The following CAMTA1 variants were observed in gnomAD, a reference collection of about 807,000 sequenced individuals.
CAMTA1 encodes the protein calmodulin-binding transcription activator 1.
A neutral mutation model predicts 170.9 loss-of-function variants in CAMTA1; 27 were observed. That is an observed-to-expected ratio of 0.16 (90% CI 0.12 to 0.22). CAMTA1 has a LOEUF of 0.22. Among genes scored for constraint, CAMTA1 ranks in the 10% least tolerant of loss-of-function variants. The pLI, the probability that CAMTA1 is intolerant of heterozygous loss-of-function variation, is 1.00. For synonymous variants in CAMTA1, 833 were observed against 891.5 expected (o/e 0.93, Z 1.17); for missense variants, 1,619 against 2,217.2 (o/e 0.73, Z 5.42).
intron 3 of CAMTA1, among the ~76,000 whole-genome samples, chr1:6,949,323 C>A (rs1226985835): frequency 6.6e-6 from 1 of 152,206 alleles, no homozygotes; most frequent in Non-Finnish European, 1.5e-5. Flanking sequence ...GAACTGCAGC[C>A]CTTTCTGCTG....
At chr1:7,051,744 G>A (rs1334646675) in intron 3 of CAMTA1, among the ~76,000 whole-genome samples, 1 of 127,568 alleles carries the variant, frequency 7.8e-6, no homozygotes, top group African/African-American at 2.5e-5. Flanking sequence ...GCCTGTGACA[G>A]AGGCTGCTCC....
chr1:6,813,781 G>A (rs1248894855), intron 1 of CAMTA1, among the ~76,000 whole-genome samples: 1 of 151,998 alleles, frequency 6.6e-6, no homozygotes, highest in Admixed American at 6.6e-5. Context: ...GCCACTGCTT[G>A]TTCAGTCTCT....
At chr1:6,865,429 T>C (rs1571127962) in intron 3 of CAMTA1, among the ~76,000 whole-genome samples, 1 of 152,172 alleles carries the variant, frequency 6.6e-6, no homozygotes. Context: ...GAGAAACTTA[T>C]AGATCCTTCA....
At chr1:7,332,562 G>A (rs945496946) in intron 5 of CAMTA1, among the ~76,000 whole-genome samples, 4 of 152,158 alleles carry the variant, frequency 2.6e-5, no homozygotes, top group African/African-American at 9.7e-5. Flanking sequence ...GGAGCAGCCC[G>A]GAAGAAACCA....
chr1:7,419,772 G>A (rs1468006924), intron 5 of CAMTA1, among the ~76,000 whole-genome samples: 1 of 152,050 alleles, frequency 6.6e-6, no homozygotes, highest in Non-Finnish European at 1.5e-5. Flanking sequence ...ACCAGGACAT[G>A]GCAGTTTTCA....
chr1:7,350,737 G>A (rs934390337), intron 5 of CAMTA1, among the ~76,000 whole-genome samples: 2 of 152,172 alleles, frequency 1.3e-5, no homozygotes, highest in Non-Finnish European at 2.9e-5. Context: ...GTGTGTGTGT[G>A]TATGTGTGTG....
intron 6 of CAMTA1, among the ~76,000 whole-genome samples, chr1:7,582,594 G>A (rs1239881205): frequency 6.6e-6 from 1 of 152,148 alleles, no homozygotes. Context: ...GCTTGTTGCT[G>A]TAACATCCAC....
intron 3 of CAMTA1, among the ~76,000 whole-genome samples, chr1:6,892,597 C>CTTTTTT (rs70984032): frequency 4.1e-5 from 5 of 120,874 alleles, no homozygotes; most frequent in African/African-American, 9.5e-5. Context: ...TTTTTCTTTT[C>CTTTTTT]TTTTTTTTTT....
intron 16 of CAMTA1, among the ~76,000 whole-genome samples, chr1:7,741,947 T>G (rs1470195514): frequency 8.2e-5 from 12 of 146,974 alleles, no homozygotes; most frequent in African/African-American, 2.2e-4. Context: ...TCGGGTTGTT[T>G]TTTTTTTTTT....
chr1:7,711,395 G>T (rs558112225), intron 11 of CAMTA1, among the ~76,000 whole-genome samples: 2 of 152,104 alleles, frequency 1.3e-5, no homozygotes, highest in Non-Finnish European at 2.9e-5. Flanking sequence ...GAAGTAAGGT[G>T]CCCTGATCAG....
At chr1:7,269,145 C>G (rs1669332088) in intron 5 of CAMTA1, among the ~76,000 whole-genome samples, 2 of 152,236 alleles carry the variant, frequency 1.3e-5, no homozygotes, top group African/African-American at 4.8e-5. Flanking sequence ...ATCAGGGCCT[C>G]TCACAAGGCT....
chr1:7,110,765 TTCTATGTCAGC>T (rs1643981796), intron 4 of CAMTA1, among the ~76,000 whole-genome samples: 1 of 152,226 alleles, frequency 6.6e-6, no homozygotes. Flanking sequence ...TCGGTCCTCT[TTCTATGTCAGC>T]AGAAAGCAGC....
rs537155188 is a variant in CAMTA1 at position 7,691,007 on chromosome 1, G to A, written c.2914+13274G>A. 3.3e-5 allele frequency among the ~76,000 whole-genome samples: 5 copies of A among 152,320 alleles called. No individual in the cohort carries two copies. In the South Asian group the frequency reaches 1.0e-3, roughly 32 times the overall value. Reference sequence around the variant, plus strand: ...CACGTGATGAGTATCAGAAGAAATGGATCAGATGAGGACCTGCAGTCAACG... The same window carrying A: ...CACGTGATGAGTATCAGAAGAAATGAATCAGATGAGGACCTGCAGTCAACG... On this transcript the variant is annotated intron_variant, in intron 11 of 22. Coordinates refer to ENST00000303635, the MANE Select transcript of CAMTA1 (RefSeq NM_015215.4).
At chr1:7,434,137 C>T (rs980719353) in intron 5 of CAMTA1, among the ~76,000 whole-genome samples, 1 of 152,170 alleles carries the variant, frequency 6.6e-6, no homozygotes, top group Non-Finnish European at 1.5e-5. Context: ...CCAGCTCTCT[C>T]TCTTTTACTT....
chr1:6,996,682 TAAAA>T (rs1173274969), intron 3 of CAMTA1, among the ~76,000 whole-genome samples: 2 of 147,052 alleles, frequency 1.4e-5, no homozygotes, highest in Admixed American at 6.7e-5. Flanking sequence ...AAAAGCTATT[TAAAA>T]AAAAAAGAAA....
intron 4 of CAMTA1, among the ~76,000 whole-genome samples, chr1:7,147,065 A>G (rs1052954256): frequency 2.0e-5 from 3 of 151,702 alleles, no homozygotes; most frequent in Non-Finnish European, 2.9e-5. Flanking sequence ...AATGTATATC[A>G]CACACATGCA....
At position 7,671,185 on chromosome 1, in the gene CAMTA1, A is replaced by G. The variant is rs1576736603; in HGVS notation, c.2779+148A>G. ...GGCTGTGAAGAAGCGGATCCCCGAT[A>G]GTCTATTAGAACGTCACCTCCTTTG... On this transcript the variant is annotated intron_variant, in intron 10 of 22. Coordinates refer to ENST00000303635, the MANE Select transcript of CAMTA1 (RefSeq NM_015215.4). 3 of 861,754 alleles carry G rather than the reference A, an allele frequency of 3.5e-6. No homozygotes were observed. In the East Asian group the frequency reaches 7.5e-5, roughly 22 times the overall value. 53.4% of individuals were successfully genotyped at this position (861,754 alleles called of 1,614,324 possible). A position where few individuals can be genotyped will look rare whatever the true frequency, so the allele number is the denominator to read the frequency against.
intron 3 of CAMTA1, among the ~76,000 whole-genome samples, chr1:6,894,296 C>CGA (rs1009839558): frequency 2.0e-5 from 3 of 152,170 alleles, no homozygotes; most frequent in African/African-American, 7.2e-5. Flanking sequence ...ATGCCACCCT[C>CGA]TATTTCTGTG....
intron 11 of CAMTA1, among the ~76,000 whole-genome samples, chr1:7,716,497 A>G (rs2096610800): frequency 6.6e-6 from 1 of 152,170 alleles, no homozygotes; most frequent in South Asian, 2.1e-4. Flanking sequence ...TGTTTTCCAG[A>G]TTTTGTAGCA....
Sources: allele counts gnomAD v4.1 joint callset (sites outside exome capture counted in the v4.1 genomes callset), GRCh38; gene constraint gnomAD v4.1.1; transcripts MANE v1.5; gene names NCBI Gene and HGNC (gene_info 2026-07-23, HGNC 2026-07-21).